DSTN: variants seen among roughly 807,000 people sequenced by gnomAD.
DSTN encodes destrin, actin depolymerizing factor, also known as destrin.
DSTN carries 10 observed loss-of-function variants against 16.8 expected under a neutral mutation model. That is an observed-to-expected ratio of 0.60 (90% CI 0.37 to 1.01). The LOEUF is 1.01. DSTN is among the 50% of genes least tolerant of loss of function. The pLI is 0.01. For missense variants in DSTN, 141 were observed against 196.7 expected (o/e 0.72, Z 1.69); for synonymous variants, 57 against 58.9 (o/e 0.97, Z 0.14).
intron 1 of DSTN, among the ~76,000 whole-genome samples, chr20:17,584,296 A>G (rs2035382847): frequency 6.6e-6 from 1 of 152,192 alleles, no homozygotes; most frequent in Non-Finnish European, 1.5e-5. Flanking sequence ...TTTCTTCAAA[A>G]GAGAGTCCTA....
At chr20:17,586,846 C>G (rs1007278262) in intron 1 of DSTN, among the ~76,000 whole-genome samples, 1 of 152,184 alleles carries the variant, frequency 6.6e-6, no homozygotes, top group African/African-American at 2.4e-5. Context: ...TGATAATTCA[C>G]ATTTTACAGA....
intron 1 of DSTN, among the ~76,000 whole-genome samples, chr20:17,575,988 T>C (rs2035274205): frequency 6.6e-6 from 1 of 152,212 alleles, no homozygotes. Flanking sequence ...AAGTGAGAAG[T>C]TTTCACTTGG....
At chr20:17,585,567 G>C (rs2035396178) in intron 1 of DSTN, among the ~76,000 whole-genome samples, 1 of 152,082 alleles carries the variant, frequency 6.6e-6, no homozygotes, top group Non-Finnish European at 1.5e-5. Flanking sequence ...ATCTAATTTA[G>C]TATAATTTAC....
At chr20:17,606,998 G>A in intron 3 of DSTN, 39 bp from the exon 4 acceptor site, 1 of 1,601,580 alleles carries the variant, frequency 6.2e-7, no homozygotes, top group Admixed American at 1.7e-5. Context: ...GTAAACTGCT[G>A]CCATAATTGT....
chr20:17,580,828 G>A (rs957708455), intron 1 of DSTN, among the ~76,000 whole-genome samples: 1 of 152,096 alleles, frequency 6.6e-6, no homozygotes, highest in African/African-American at 2.4e-5. Context: ...TTTGAGGTAG[G>A]ACTTACATGG....
At chr20:17,593,502 G>A (rs894762439) in intron 1 of DSTN, among the ~76,000 whole-genome samples, 8 of 152,218 alleles carry the variant, frequency 5.3e-5, no homozygotes, top group Admixed American at 1.3e-4. Flanking sequence ...CATTGAAGTG[G>A]TAGGAGGTGG....
Position 17,600,593 on chromosome 20 carries a change from A to G in DSTN, c.4-145A>G, listed in dbSNP as rs112058455. The G allele has an allele frequency of 7.2e-4, 712 of 985,374 alleles. 7 individuals carry two copies. The African/African-American group carries it at 9.0e-3, about 12-fold the overall frequency. 61.0% of individuals were successfully genotyped at this position (985,374 alleles called of 1,614,324 possible). A position where few individuals can be genotyped will look rare whatever the true frequency, so the allele number is the denominator to read the frequency against. Reference sequence around the variant, plus strand: ...AGTTTGATGTCTAAAATTAGTAGTGATTACAGCTCAAATTTCTAGTTTTTT... The same window carrying G: ...AGTTTGATGTCTAAAATTAGTAGTGGTTACAGCTCAAATTTCTAGTTTTTT... On this transcript the variant is annotated intron_variant, in intron 1 of 3. Transcript: ENST00000246069.
At chr20:17,579,656 G>A (rs1325929642) in intron 1 of DSTN, among the ~76,000 whole-genome samples, 1 of 152,194 alleles carries the variant, frequency 6.6e-6, no homozygotes, top group African/African-American at 2.4e-5. Context: ...ATGGTGGCAA[G>A]CTTAGATCTA....
chr20:17,595,221 T>C (rs2035513608), intron 1 of DSTN, among the ~76,000 whole-genome samples: 1 of 152,192 alleles, frequency 6.6e-6, no homozygotes, highest in Non-Finnish European at 1.5e-5. Flanking sequence ...CTTAGGTAGT[T>C]CCTTTTGGAA....
At chr20:17,591,848 T>G (rs2035472683) in intron 1 of DSTN, 2 of 967,618 alleles carry the variant, frequency 2.1e-6, no homozygotes, top group Admixed American at 6.2e-5. Flanking sequence ...TGCTTTAAGA[T>G]ATCTCCTTTT....
At chr20:17,570,756 G>A (rs576004343) in intron 1 of DSTN, among the ~76,000 whole-genome samples, 2 of 152,248 alleles carry the variant, frequency 1.3e-5, no homozygotes, top group Non-Finnish European at 2.9e-5. Flanking sequence ...GATCGCTAAC[G>A]AGCAGGATCC....
intron 1 of DSTN, among the ~76,000 whole-genome samples, chr20:17,591,751 A>G (rs1441245426): frequency 6.6e-6 from 1 of 152,242 alleles, no homozygotes; most frequent in African/African-American, 2.4e-5. Context: ...TAAAGGAACA[A>G]ATTTAATTCA....
Position 17,608,280 on chromosome 20 carries a change from G to C in DSTN, c.*1134G>C, listed in dbSNP as rs2035663312. 6.6e-6 allele frequency: 1 copy of C among 152,212 alleles called. No homozygotes were observed. 9.4% of individuals were successfully genotyped at this position (152,212 alleles called of 1,614,324 possible). On this transcript the variant is annotated 3_prime_UTR_variant, in exon 4 of 4. Transcript: ENST00000246069. ...TTTTCATGTGTGAATTGGGAATACAGGATTTTGCCTTCCATATGGGGTAAG... is the reference window on the plus strand; with the variant it reads ...TTTTCATGTGTGAATTGGGAATACACGATTTTGCCTTCCATATGGGGTAAG...
intron 3 of DSTN, 83 bp from the exon 4 acceptor site, chr20:17,606,954 G>C: frequency 3.0e-6 from 4 of 1,342,530 alleles, no homozygotes. Flanking sequence ...ATTAGAACTG[G>C]TCTTTTAAAA....
At chr20:17,581,583 G>A (rs2035344775) in intron 1 of DSTN, among the ~76,000 whole-genome samples, 1 of 152,108 alleles carries the variant, frequency 6.6e-6, no homozygotes, top group Non-Finnish European at 1.5e-5. Context: ...TGGTAAGATT[G>A]GATATATATT....
chr20:17,574,190 G>A (rs1221978623), intron 1 of DSTN, among the ~76,000 whole-genome samples: 1 of 151,918 alleles, frequency 6.6e-6, no homozygotes, highest in Non-Finnish European at 1.5e-5. Context: ...GCCACAGCGG[G>A]AGACCCTGTC....
chr20:17,592,761 A>G (rs118048908), intron 1 of DSTN, among the ~76,000 whole-genome samples: 1 of 152,274 alleles, frequency 6.6e-6, no homozygotes, highest in East Asian at 1.9e-4. Context: ...TGATCACCAT[A>G]CAGACTCCTT....
intron 2 of DSTN, among the ~76,000 whole-genome samples, chr20:17,603,718 A>G (rs1041303019): frequency 7.2e-5 from 11 of 152,254 alleles, no homozygotes; most frequent in Admixed American, 2.6e-4. Flanking sequence ...ACGTGCTCCA[A>G]TGTTATAAAT....
In DSTN at chr20:17,607,222, T is replaced by C; in HGVS notation, c.*76T>C. 1.4e-6 allele frequency: 2 copies of C among 1,394,788 alleles called. No individual in the cohort carries two copies. Among genetic ancestry groups the C allele is most frequent in the Non-Finnish European group, 2.0e-6 (2 of 1,006,354 alleles). 86.4% of individuals were successfully genotyped at this position (1,394,788 alleles called of 1,614,324 possible). On this transcript the variant is annotated 3_prime_UTR_variant, in exon 4 of 4. Transcript: ENST00000246069. ...GCTATATAAATAAAGCAAATATATTTAGGCCAGGGTCTCACTGAGGGGGAG... is the reference window on the plus strand; with the variant it reads ...GCTATATAAATAAAGCAAATATATTCAGGCCAGGGTCTCACTGAGGGGGAG...
Sources: gnomAD v4.1 joint callset for allele counts (sites outside exome capture counted in the v4.1 genomes callset) on GRCh38, gnomAD v4.1.1 for gene constraint, MANE v1.5 for transcripts, NCBI Gene and HGNC (gene_info 2026-07-23, HGNC 2026-07-21) for gene names.